NAALADL2: variants seen among roughly 807,000 people sequenced by gnomAD.
The protein encoded by NAALADL2 is N-acetylated alpha-linked acidic dipeptidase like 2.
NAALADL2 carries 76 observed loss-of-function variants against 87.2 expected under a neutral mutation model. The observed-to-expected ratio is 0.87, with a 90% CI of 0.72 to 1.05. The LOEUF is 1.05. Among genes scored for constraint, NAALADL2 ranks in the 50% least tolerant of loss-of-function variants. The pLI is 0.00. For synonymous variants in NAALADL2, 354 were observed against 331.0 expected (o/e 1.07, Z -0.75); for missense variants, 1,089 against 945.8 (o/e 1.15, Z -1.99).
chr3:174,498,638 T>TA (rs1347655581), intron 1 of NAALADL2, among the ~76,000 whole-genome samples: 34 of 150,352 alleles, frequency 2.3e-4, no homozygotes, highest in African/African-American at 7.1e-4. Context: ...ATATATATAA[T>TA]ATATATGTTT....
chr3:175,674,505 C>T (rs1436609856), intron 11 of NAALADL2, among the ~76,000 whole-genome samples: 1 of 152,036 alleles, frequency 6.6e-6, no homozygotes, highest in African/African-American at 2.4e-5. Flanking sequence ...ACCTTGTGAT[C>T]AGCCTGCCTC....
At chr3:175,739,048 AAGG>A (rs1391923160) in intron 12 of NAALADL2, among the ~76,000 whole-genome samples, 1 of 152,184 alleles carries the variant, frequency 6.6e-6, no homozygotes, top group East Asian at 1.9e-4. Flanking sequence ...CAGAGAACAA[AAGG>A]AGTTTAACAA....
rs367693756 is a variant in NAALADL2, at chr3:175,324,306, G to T, written c.1071G>T (p.Thr357=). The stretch of plus-strand genomic sequence containing the variant: ...TGAATCCAGGAGGAGACCCTTCTAC[G>T]CCTGGTTACCCAAGTGTCGGTAAGT... ...VSLNPGGDPS[T]PGYPSVDESF... Residue 357 remains threonine (T), a synonymous_variant, in exon 5 of 14, where the codon ACG becomes ACT. Coordinates refer to ENST00000454872, the MANE Select transcript of NAALADL2 (RefSeq NM_207015.3). The T allele has an allele frequency of 1.6e-5, 25 of 1,611,644 alleles. No individual in the cohort carries two copies. The highest frequency in any genetic ancestry group is 2.1e-5 in the Non-Finnish European group (25 of 1,179,058).
intron 5 of NAALADL2, among the ~76,000 whole-genome samples, chr3:175,373,580 A>G (rs958894882): frequency 6.6e-6 from 1 of 152,106 alleles, no homozygotes; most frequent in African/African-American, 2.4e-5. Flanking sequence ...TGTCATTTGG[A>G]CTGTTTCCAG....
chr3:175,249,784 G>T (rs572234130), intron 3 of NAALADL2, among the ~76,000 whole-genome samples: 4 of 152,078 alleles, frequency 2.6e-5, no homozygotes, highest in Non-Finnish European at 5.9e-5. Flanking sequence ...ATTGATCCTA[G>T]ACCCTCTAGT....
intron 11 of NAALADL2, among the ~76,000 whole-genome samples, chr3:175,644,606 C>T (rs910668944): frequency 3.9e-5 from 6 of 152,086 alleles, no homozygotes; most frequent in African/African-American, 1.4e-4. Context: ...TCTATTTTCT[C>T]ATCTGTGTAT....
intron 3 of NAALADL2, among the ~76,000 whole-genome samples, chr3:174,827,648 CAT>C (rs1161600363): frequency 2.6e-5 from 4 of 152,138 alleles, no homozygotes; most frequent in African/African-American, 9.7e-5. Flanking sequence ...TGCCATATAA[CAT>C]AATAAGCAAA....
chr3:174,718,617 TAAC>T (rs1473782581), intron 2 of NAALADL2, among the ~76,000 whole-genome samples: 1 of 152,150 alleles, frequency 6.6e-6, no homozygotes, highest in Admixed American at 6.5e-5. Flanking sequence ...TCTCTCTACT[TAAC>T]AAGATAAGGA....
At chr3:174,822,052 G>T (rs916069331) in intron 3 of NAALADL2, among the ~76,000 whole-genome samples, 1 of 152,148 alleles carries the variant, frequency 6.6e-6, no homozygotes, top group African/African-American at 2.4e-5. Context: ...CGATATTCAT[G>T]TTCCTGAAGC....
At chr3:174,626,668 TA>T (rs1721610386) in intron 2 of NAALADL2, among the ~76,000 whole-genome samples, 1 of 152,034 alleles carries the variant, frequency 6.6e-6, no homozygotes, top group Non-Finnish European at 1.5e-5. Flanking sequence ...CACCTTTAGC[TA>T]AAGAGTATAC....
chr3:174,718,619 A>T (rs1054568053), intron 2 of NAALADL2, among the ~76,000 whole-genome samples: 8 of 152,216 alleles, frequency 5.3e-5, no homozygotes, highest in African/African-American at 1.9e-4. Context: ...TCTCTACTTA[A>T]CAAGATAAGG....
At chr3:174,477,517 G>A (rs1301676652) in intron 1 of NAALADL2, among the ~76,000 whole-genome samples, 1 of 152,182 alleles carries the variant, frequency 6.6e-6, no homozygotes. Flanking sequence ...AAAACATCAT[G>A]TTGGGTGAAA....
intron 4 of NAALADL2, among the ~76,000 whole-genome samples, chr3:175,293,015 T>G (rs944456532): frequency 1.7e-5 from 2 of 115,652 alleles, no homozygotes; most frequent in East Asian, 2.5e-4. Flanking sequence ...CCAGCCTGGG[T>G]GACAGAGCGA....
intron 2 of NAALADL2, among the ~76,000 whole-genome samples, chr3:174,600,161 A>G (rs1324959349): frequency 6.6e-6 from 1 of 152,102 alleles, no homozygotes. Flanking sequence ...CCCACACTTT[A>G]GTGAAACAAG....
intron 4 of NAALADL2, among the ~76,000 whole-genome samples, chr3:175,273,649 G>GA (rs1166888061): frequency 2.0e-5 from 3 of 151,644 alleles, no homozygotes; most frequent in South Asian, 2.1e-4. Flanking sequence ...TAAGGAAATA[G>GA]AAAAAAAATG....
chr3:175,284,671 T>G (rs1581254069), intron 4 of NAALADL2, among the ~76,000 whole-genome samples: 2 of 152,258 alleles, frequency 1.3e-5, no homozygotes, highest in Middle Eastern at 6.8e-3. Context: ...TAATAGTGTT[T>G]CTTAACAGAT....
At chr3:174,682,214 G>A (rs1239799462) in intron 2 of NAALADL2, among the ~76,000 whole-genome samples, 1 of 152,192 alleles carries the variant, frequency 6.6e-6, no homozygotes, top group Non-Finnish European at 1.5e-5. Flanking sequence ...TTGTCTTATG[G>A]CTTGGGTGCA....
At chr3:174,551,492 T>C (rs1172883689) in intron 2 of NAALADL2, 2 of 152,236 alleles carry the variant, frequency 1.3e-5, no homozygotes, top group Non-Finnish European at 1.5e-5. Flanking sequence ...GAGCTGGATA[T>C]AGTTGTTAGA....
chr3:175,417,274 A>C, intron 5 of NAALADL2, among the ~76,000 whole-genome samples: 1 of 151,954 alleles, frequency 6.6e-6, no homozygotes, highest in East Asian at 1.9e-4. Context: ...GAAGAAAGTA[A>C]ATAATTATTG....
Sources: allele counts gnomAD v4.1 joint callset (sites outside exome capture counted in the v4.1 genomes callset), GRCh38; gene constraint gnomAD v4.1.1; transcripts MANE v1.5; gene names NCBI Gene and HGNC (gene_info 2026-07-23, HGNC 2026-07-21).